Variants in PALD1 observed in about 807,000 individuals in gnomAD.
PALD1 encodes phosphatase domain containing paladin 1.
In PALD1, 57 loss-of-function variants were observed where a neutral mutation model predicts 96.0. The observed-to-expected ratio is 0.59, with a 90% confidence interval of 0.48 to 0.74. The LOEUF (loss-of-function observed/expected upper bound fraction) is 0.74, where lower values mean the gene tolerates loss of function less well. Ranked by LOEUF, PALD1 falls within the 30% of genes least tolerant of loss-of-function variation. PALD1 has a pLI of 0.00. For missense variants in PALD1, 1,063 were observed against 1,143.7 expected (o/e 0.93, Z 1.02); for synonymous variants, 464 against 473.6 (o/e 0.98, Z 0.26).
intron 18 of PALD1, among the ~76,000 whole-genome samples, chr10:70,552,552 C>T (rs55730645): frequency 0.047 from 7,209 of 152,228 alleles, 532 homozygotes; most frequent in African/African-American, 0.16. Context: ...CTCCCAGCTG[C>T]AGTAAGTACC....
At chr10:70,564,714 G>A (rs1032820936) in intron 19 of PALD1, among the ~76,000 whole-genome samples, 195 bp downstream of exon 19, 1 of 152,252 alleles carries the variant, frequency 6.6e-6, no homozygotes, top group Admixed American at 6.5e-5. Context: ...CGAGCAGTTT[G>A]TCTGTGCCTG....
At chr10:70,467,425 T>G in the PALD1 span, among the ~76,000 whole-genome samples, 119 of 129,332 alleles carry the variant, frequency 9.2e-4, no homozygotes, top group African/African-American at 1.2e-3. Context: ...GGGTGGGAGG[T>G]GAGGGGAAGT....
chr10:70,506,022 A>G (rs1846382138), intron 1 of PALD1, among the ~76,000 whole-genome samples: 1 of 106,608 alleles, frequency 9.4e-6, no homozygotes, highest in Non-Finnish European at 2.0e-5. Flanking sequence ...CCCCATCTCA[A>G]AAAAAAAAAA....
chr10:70,461,218 A>C, the PALD1 span, among the ~76,000 whole-genome samples: 1 of 152,170 alleles, frequency 6.6e-6, no homozygotes, highest in Non-Finnish European at 1.5e-5. Context: ...TCTGGCTGGA[A>C]TGCCCTTTCT....
intron 1 of PALD1, among the ~76,000 whole-genome samples, chr10:70,517,952 G>A (rs1453413737): frequency 6.6e-6 from 1 of 152,064 alleles, no homozygotes; most frequent in Non-Finnish European, 1.5e-5. Flanking sequence ...TGCCCAGGCT[G>A]GAGTGCAATG....
At chr10:70,554,906 CCTCCCCT>C (rs1274551598) in intron 18 of PALD1, among the ~76,000 whole-genome samples, 1 of 80,134 alleles carries the variant, frequency 1.2e-5, no homozygotes, top group Non-Finnish European at 2.6e-5. Flanking sequence ...TTGAGCCTCC[CCTCCCCT>C]CTCCTCCCCT....
At chr10:70,509,956 G>A (rs1846479973) in intron 1 of PALD1, among the ~76,000 whole-genome samples, 1 of 152,216 alleles carries the variant, frequency 6.6e-6, no homozygotes, top group Non-Finnish European at 1.5e-5. Flanking sequence ...TCGTCCAGAT[G>A]GAAATAAGCG....
chr10:70,460,912 G>A, the PALD1 span, among the ~76,000 whole-genome samples: 3 of 152,136 alleles, frequency 2.0e-5, no homozygotes, highest in East Asian at 1.9e-4. Context: ...AAAATTAGCC[G>A]GGCGTGGTGG....
intron 1 of PALD1, among the ~76,000 whole-genome samples, chr10:70,507,098 T>C (rs1303401049): frequency 1.3e-5 from 2 of 152,040 alleles, no homozygotes; most frequent in Non-Finnish European, 2.9e-5. Flanking sequence ...AAATTATCTT[T>C]CTATTAAAAA....
Position 70,539,630 on chromosome 10 carries a change from G to A in PALD1, c.1776G>A (p.Lys592=), listed in dbSNP as rs1490184602. 6.2e-7 allele frequency: 1 copy of A among 1,613,420 alleles called. No individual in the cohort carries two copies. The highest frequency in any genetic ancestry group is 1.1e-5 in the South Asian group (1 of 91,058). ...KAHLSEPPPG[K]EGPLTYRFQT... ...ATCTAAGCGAGCCTCCCCCAGGCAAGGAGGGCCCCCTGACCTACAGGTTCC... is the reference window on the plus strand; with the variant it reads ...ATCTAAGCGAGCCTCCCCCAGGCAAAGAGGGCCCCCTGACCTACAGGTTCC... The change falls in exon 15 of 20, where the codon AAG becomes AAA. Residue 592 remains lysine, a synonymous_variant. Transcript: ENST00000263563. This position sits in a 1 kb window ranked among gnomAD's most constrained non-coding sequence, Gnocchi z 4.5.
chr10:70,553,068 G>A (rs74139687), intron 18 of PALD1, among the ~76,000 whole-genome samples: 2,572 of 152,234 alleles, frequency 0.017, 68 homozygotes, highest in African/African-American at 0.059. Context: ...TGGGGGTGCC[G>A]TATGCTGCTG....
At chr10:70,542,738 C>T (rs936946339) in intron 17 of PALD1, among the ~76,000 whole-genome samples, 1 of 152,182 alleles carries the variant, frequency 6.6e-6, no homozygotes, top group Non-Finnish European at 1.5e-5. Flanking sequence ...CTATGAAATG[C>T]ATAGTGCACG....
At chr10:70,548,044 C>T (rs1187298806) in intron 18 of PALD1, among the ~76,000 whole-genome samples, 1 of 152,014 alleles carries the variant, frequency 6.6e-6, no homozygotes, top group African/African-American at 2.4e-5. Flanking sequence ...AGTGGCTCAC[C>T]CCTGTAATCC....
intron 1 of PALD1, among the ~76,000 whole-genome samples, chr10:70,516,635 C>T (rs1846625199): frequency 1.3e-5 from 2 of 152,058 alleles, no homozygotes; most frequent in African/African-American, 4.8e-5. Context: ...TTCACTGTAG[C>T]CTTGACCTCC....
chr10:70,496,888 A>C (rs1430982902), intron 1 of PALD1, among the ~76,000 whole-genome samples: 1 of 152,148 alleles, frequency 6.6e-6, no homozygotes, highest in African/African-American at 2.4e-5. Context: ...TAACTCAATT[A>C]GCCTGTCTAA....
At chr10:70,532,361 G>C (rs1305078941) in intron 5 of PALD1, among the ~76,000 whole-genome samples, 1 of 152,096 alleles carries the variant, frequency 6.6e-6, no homozygotes, top group Admixed American at 6.5e-5. Flanking sequence ...CACCTCCCCC[G>C]TCCTGGCACT....
intron 1 of PALD1, among the ~76,000 whole-genome samples, chr10:70,525,186 T>C (rs1589194941): frequency 6.6e-6 from 1 of 151,866 alleles, no homozygotes; most frequent in Middle Eastern, 3.4e-3. Flanking sequence ...TTTTTTTTTT[T>C]TTTTAAGTAG....
chr10:70,525,720 A>G (rs531620888), intron 1 of PALD1, among the ~76,000 whole-genome samples: 1 of 152,130 alleles, frequency 6.6e-6, no homozygotes, highest in African/African-American at 2.4e-5. Context: ...CCCCCAAAGC[A>G]TCGGTAAAGG....
At chr10:70,473,456 C>G in the PALD1 span, among the ~76,000 whole-genome samples, 1 of 152,204 alleles carries the variant, frequency 6.6e-6, no homozygotes, top group Admixed American at 6.5e-5. Flanking sequence ...TGGACCCTCA[C>G]TCTCTCCCCG....
Sources: allele counts gnomAD v4.1 joint callset (sites outside exome capture counted in the v4.1 genomes callset), GRCh38; gene constraint gnomAD v4.1.1; non-coding constraint Gnocchi (gnomAD v3.1); transcripts MANE v1.5; gene names NCBI Gene and HGNC (gene_info 2026-07-23, HGNC 2026-07-21).